Variants in WDR7 observed in about 807,000 individuals in gnomAD.
WDR7 encodes the protein WD repeat-containing protein 7.
WDR7 carries 46 observed loss-of-function variants against 169.4 expected under a neutral mutation model. The ratio of observed to expected loss-of-function variants is 0.27; its 90% CI spans 0.21 to 0.35. The LOEUF (loss-of-function observed/expected upper bound fraction) is 0.35, where lower values mean the gene tolerates loss of function less well. Among genes scored for constraint, WDR7 ranks in the 10% least tolerant of loss-of-function variants. WDR7 has a pLI of 1.00. For synonymous variants in WDR7, 612 were observed against 666.8 expected, an observed-to-expected ratio of 0.92 and a Z score of 1.27; for missense variants, 1,534 against 1,859.3, an observed-to-expected ratio of 0.83 and a Z score of 3.22.
intron 20 of WDR7, among the ~76,000 whole-genome samples, chr18:56,861,349 A>T (rs1018493322): frequency 2.0e-5 from 3 of 152,220 alleles, no homozygotes; most frequent in African/African-American, 7.2e-5. Context: ...AATTGACTGA[A>T]AGCCAAATAG....
chr18:56,916,155 A>G (rs1003484924), intron 21 of WDR7, among the ~76,000 whole-genome samples: 2 of 152,212 alleles, frequency 1.3e-5, no homozygotes, highest in African/African-American at 4.8e-5. Flanking sequence ...TCTAGGGTAC[A>G]TGTGCACAAC....
chr18:57,005,990 C>T (rs753261409), intron 26 of WDR7, among the ~76,000 whole-genome samples: 3 of 152,170 alleles, frequency 2.0e-5, no homozygotes, highest in Non-Finnish European at 4.4e-5. Context: ...TATATAAAGT[C>T]TTTTAAGCCT....
chr18:56,730,967 A>G (rs946922456), intron 13 of WDR7, among the ~76,000 whole-genome samples: 4 of 152,180 alleles, frequency 2.6e-5, no homozygotes, highest in African/African-American at 9.7e-5. Flanking sequence ...CAATTATTCA[A>G]TGAGGAAAAA....
intron 23 of WDR7, among the ~76,000 whole-genome samples, chr18:56,937,756 A>C (rs192863794): frequency 6.6e-6 from 1 of 152,182 alleles, no homozygotes; most frequent in Admixed American, 6.5e-5. Context: ...CTCAAACAGT[A>C]AGGGAGTTAG....
Position 56,685,543 on chromosome 18 carries a change from A to G in WDR7, c.521-413A>G, listed in dbSNP as rs146722469. The stretch of plus-strand genomic sequence containing the variant: ...TCTGGGGAGGGTGTAATGTGCAATG[A>G]AGTATCTGGAAGGTGGCAAGGTATG... On this transcript the variant is annotated intron_variant, in intron 5 of 27. Coordinates refer to ENST00000254442, the MANE Select transcript of WDR7 (RefSeq NM_015285.3). 2.4e-3 allele frequency among the ~76,000 whole-genome samples: 361 copies of G among 152,214 alleles called. 1 individual carries two copies. Among genetic ancestry groups the G allele is most frequent in the African/African-American group, 8.0e-3 (333 of 41,534 alleles).
intron 20 of WDR7, among the ~76,000 whole-genome samples, chr18:56,837,799 A>G (rs1031804934): frequency 6.6e-5 from 10 of 152,092 alleles, no homozygotes; most frequent in Admixed American, 6.5e-4. Flanking sequence ...TAGCTGGATT[A>G]CAGGTGCCCA....
chr18:57,000,678 A>T (rs1381753227), intron 26 of WDR7, among the ~76,000 whole-genome samples: 1 of 152,184 alleles, frequency 6.6e-6, no homozygotes, highest in East Asian at 1.9e-4. Context: ...CAGGAAGTGC[A>T]TGATTGTATT....
At chr18:56,949,930 A>C (rs910426615) in intron 25 of WDR7, among the ~76,000 whole-genome samples, 2 of 152,228 alleles carry the variant, frequency 1.3e-5, no homozygotes, top group African/African-American at 4.8e-5. Context: ...CAGGCTTCCA[A>C]AATTCTTATT....
At chr18:56,813,925 C>G (rs1030915993) in intron 19 of WDR7, among the ~76,000 whole-genome samples, 3 of 152,152 alleles carry the variant, frequency 2.0e-5, no homozygotes, top group Non-Finnish European at 4.4e-5. Context: ...ACTGGCACAG[C>G]ACAGGAGCTC....
chr18:56,824,432 C>T (rs2045160492), intron 20 of WDR7, among the ~76,000 whole-genome samples: 1 of 152,190 alleles, frequency 6.6e-6, no homozygotes, highest in Non-Finnish European at 1.5e-5. Flanking sequence ...ATGCCTAGCA[C>T]TAGAATAGCT....
At position 56,701,903 on chromosome 18, in the gene WDR7, T is replaced by C. The variant is rs116863627; in HGVS notation, c.1578+5441T>C. Among the ~76,000 whole-genome samples, 1,039 of 152,344 alleles carry C rather than the reference T, an allele frequency of 6.8e-3. 5 individuals carry two copies. Among genetic ancestry groups the C allele is most frequent in the Middle Eastern group, 0.044 (13 of 294 alleles). ...CAGATATTTTCAATTTTACAGTGTT[T>C]TAATGCTTCAGAACTATAGAATATT... is the stretch of plus-strand genomic sequence containing the variant. On this transcript the variant is annotated intron_variant, in intron 12 of 27. Transcript: ENST00000254442.
At chr18:56,908,795 T>C (rs936804594) in intron 21 of WDR7, among the ~76,000 whole-genome samples, 1 of 152,188 alleles carries the variant, frequency 6.6e-6, no homozygotes, top group Non-Finnish European at 1.5e-5. Context: ...CAAATAAAAT[T>C]TCCCTGTTTC....
intron 21 of WDR7, among the ~76,000 whole-genome samples, chr18:56,908,098 A>G (rs774074838): frequency 6.6e-6 from 1 of 152,134 alleles, no homozygotes; most frequent in Non-Finnish European, 1.5e-5. Context: ...ATAAGCTGAA[A>G]CTGGTCTGAT....
chr18:56,663,818 A>G (rs369286585), intron 1 of WDR7, among the ~76,000 whole-genome samples: 13 of 152,108 alleles, frequency 8.5e-5, no homozygotes, highest in East Asian at 7.7e-4. Context: ...GAGGAATCAC[A>G]CGGAGAAAGG....
intron 22 of WDR7, 84 bp downstream of exon 22, chr18:56,924,192 T>C: frequency 1.4e-6 from 2 of 1,462,454 alleles, no homozygotes; most frequent in Non-Finnish European, 9.3e-7. Flanking sequence ...TCATTCTGTA[T>C]AGATTGTGCA....
chr18:56,797,652 T>C (rs945093469), intron 19 of WDR7, among the ~76,000 whole-genome samples: 3 of 152,130 alleles, frequency 2.0e-5, no homozygotes, highest in African/African-American at 7.2e-5. Context: ...TGGTGATTAT[T>C]CCTAGCATAC....
chr18:57,007,078 C>T (rs902581742), intron 26 of WDR7, among the ~76,000 whole-genome samples: 5 of 151,348 alleles, frequency 3.3e-5, no homozygotes, highest in African/African-American at 1.2e-4. Flanking sequence ...CTCCCGGGTT[C>T]ACGCCATTCT....
chr18:56,729,192 A>G (rs1261793093), intron 13 of WDR7, among the ~76,000 whole-genome samples: 1 of 152,242 alleles, frequency 6.6e-6, no homozygotes, highest in African/African-American at 2.4e-5. Flanking sequence ...GAGCTAGAGC[A>G]GTAAATTCTA....
chr18:56,813,470 C>CT (rs1451944912), intron 19 of WDR7, among the ~76,000 whole-genome samples: 1 of 147,366 alleles, frequency 6.8e-6, no homozygotes, highest in African/African-American at 2.5e-5. Flanking sequence ...TTTTTTTTTT[C>CT]TTTTTTAAAT....
Sources: allele counts gnomAD v4.1 joint callset (sites outside exome capture counted in the v4.1 genomes callset), GRCh38; gene constraint gnomAD v4.1.1; transcripts MANE v1.5; gene names NCBI Gene and HGNC (gene_info 2026-07-23, HGNC 2026-07-21).